ANKS1B: variants seen among roughly 807,000 people sequenced by gnomAD.
The protein encoded by ANKS1B is ankyrin repeat and sterile alpha motif domain containing 1B.
A neutral mutation model predicts 148.3 loss-of-function variants in ANKS1B; 36 were observed. That is an observed-to-expected ratio of 0.24 (90% CI 0.19 to 0.32). The LOEUF is 0.32. Among genes scored for constraint, ANKS1B ranks in the 10% least tolerant of loss-of-function variants. ANKS1B has a pLI of 1.00. For synonymous variants in ANKS1B, 542 were observed against 560.8 expected (o/e 0.97, Z 0.47); for missense variants, 1,157 against 1,542.6 (o/e 0.75, Z 4.19).
chr12:99,050,564 G>A (rs888041208), intron 17 of ANKS1B, among the ~76,000 whole-genome samples: 1 of 152,176 alleles, frequency 6.6e-6, no homozygotes, highest in Non-Finnish European at 1.5e-5. Flanking sequence ...TAAGGTCTAA[G>A]AGACAGTGAC....
intron 12 of ANKS1B, among the ~76,000 whole-genome samples, chr12:99,391,742 T>C (rs548898189): frequency 3.3e-5 from 5 of 152,206 alleles, no homozygotes; most frequent in Non-Finnish European, 5.9e-5. Flanking sequence ...GCAATCAACT[T>C]TTCTTCATCA....
intron 17 of ANKS1B, among the ~76,000 whole-genome samples, chr12:99,037,283 G>A (rs565031898): frequency 3.3e-5 from 5 of 152,232 alleles, no homozygotes; most frequent in Admixed American, 1.3e-4. Context: ...TTGGGAGGCC[G>A]TGGTGGGCAG....
chr12:98,986,425 T>C (rs1236438141), intron 17 of ANKS1B, among the ~76,000 whole-genome samples: 2 of 152,202 alleles, frequency 1.3e-5, no homozygotes, highest in African/African-American at 2.4e-5. Context: ...ATAATTTTTA[T>C]TGTCTTATCT....
At chr12:99,691,823 G>A (rs1263811847) in intron 8 of ANKS1B, among the ~76,000 whole-genome samples, 1 of 152,176 alleles carries the variant, frequency 6.6e-6, no homozygotes, top group Non-Finnish European at 1.5e-5. Flanking sequence ...TTAGGACCCA[G>A]TTAAGCTATG....
At chr12:99,397,915 T>C (rs1168322107) in intron 12 of ANKS1B, among the ~76,000 whole-genome samples, 1 of 152,012 alleles carries the variant, frequency 6.6e-6, no homozygotes, top group Non-Finnish European at 1.5e-5. Context: ...CTTAGGCACA[T>C]GAAAATTTTA....
intron 9 of ANKS1B, among the ~76,000 whole-genome samples, chr12:99,557,534 T>C (rs186213884): frequency 3.2e-4 from 49 of 152,326 alleles, no homozygotes; most frequent in Middle Eastern, 6.8e-3. Context: ...CTTCTTAAAA[T>C]GGCCATTTCC....
At chr12:99,609,980 G>T (rs1409425855) in intron 9 of ANKS1B, among the ~76,000 whole-genome samples, 1 of 152,026 alleles carries the variant, frequency 6.6e-6, no homozygotes, top group Non-Finnish European at 1.5e-5. Flanking sequence ...GATCTCACCT[G>T]CAGGCACTGG....
At chr12:99,039,139 T>C (rs574615739) in intron 17 of ANKS1B, among the ~76,000 whole-genome samples, 1 of 152,338 alleles carries the variant, frequency 6.6e-6, no homozygotes, top group South Asian at 2.1e-4. Context: ...TATGTCGTCT[T>C]CCCAGTTGGA....
intron 1 of ANKS1B, among the ~76,000 whole-genome samples, chr12:99,923,037 T>C (rs2094399894): frequency 6.6e-6 from 1 of 152,174 alleles, no homozygotes; most frequent in Non-Finnish European, 1.5e-5. Flanking sequence ...AACAGAAGTA[T>C]GAGCAAAGTG....
chr12:99,249,712 G>A (rs1249370771), intron 12 of ANKS1B, among the ~76,000 whole-genome samples: 5 of 152,126 alleles, frequency 3.3e-5, no homozygotes, highest in Non-Finnish European at 4.4e-5. Context: ...AGCCCTCCCC[G>A]TATCTAGTCC....
chr12:99,440,019 CCAAA>C (rs1456550771), intron 11 of ANKS1B, among the ~76,000 whole-genome samples: 1 of 151,396 alleles, frequency 6.6e-6, no homozygotes, highest in Non-Finnish European at 1.5e-5. Context: ...TGAAAGAAAC[CCAAA>C]CAGTGATACG....
At chr12:99,578,364 CA>C (rs2097538538) in intron 9 of ANKS1B, among the ~76,000 whole-genome samples, 1 of 152,058 alleles carries the variant, frequency 6.6e-6, no homozygotes, top group Non-Finnish European at 1.5e-5. Context: ...CCAGAGCAAT[CA>C]GGCAAGAGAA....
chr12:99,041,508 G>A (rs529218788), intron 17 of ANKS1B, among the ~76,000 whole-genome samples: 1 of 152,144 alleles, frequency 6.6e-6, no homozygotes, highest in African/African-American at 2.4e-5. Context: ...ATTGGTTGGG[G>A]TTCCTGTCCC....
At chr12:99,387,724 G>A (rs1567006306) in intron 12 of ANKS1B, among the ~76,000 whole-genome samples, 1 of 152,096 alleles carries the variant, frequency 6.6e-6, no homozygotes, top group East Asian at 1.9e-4. Context: ...CAAATCTGCT[G>A]GTGCCTCGGT....
chr12:99,205,633 C>G (rs557303531), intron 14 of ANKS1B, among the ~76,000 whole-genome samples: 1 of 152,290 alleles, frequency 6.6e-6, no homozygotes, highest in East Asian at 1.9e-4. Context: ...CACTGAATCT[C>G]TGGAGCTTAT....
intron 10 of ANKS1B, among the ~76,000 whole-genome samples, chr12:99,482,193 GTTGAT>G (rs1016874484): frequency 2.6e-5 from 4 of 151,836 alleles, no homozygotes; most frequent in African/African-American, 9.7e-5. Context: ...TCCATCTTGA[GTTGAT>G]TTTTATATGT....
intron 12 of ANKS1B, among the ~76,000 whole-genome samples, chr12:99,377,353 T>C (rs1471818093): frequency 6.6e-6 from 1 of 152,170 alleles, no homozygotes; most frequent in African/African-American, 2.4e-5. Flanking sequence ...CATATCATTC[T>C]TGAACAAAAT....
chr12:99,122,183 G>A (rs1222414342), intron 15 of ANKS1B, among the ~76,000 whole-genome samples: 1 of 151,828 alleles, frequency 6.6e-6, no homozygotes, highest in Non-Finnish European at 1.5e-5. Flanking sequence ...AATAATATAT[G>A]GAAAAATAAT....
intron 19 of ANKS1B, 81 bp from the exon 20 acceptor site, chr12:98,807,999 A>G: frequency 9.1e-7 from 1 of 1,096,194 alleles, no homozygotes; most frequent in Non-Finnish European, 1.3e-6. Context: ...GAAGGAAAAG[A>G]GGAAAATAAT....
Sources: gnomAD v4.1 joint callset for allele counts (sites outside exome capture counted in the v4.1 genomes callset) on GRCh38, gnomAD v4.1.1 for gene constraint, MANE v1.5 for transcripts, NCBI Gene and HGNC (gene_info 2026-07-23, HGNC 2026-07-21) for gene names.